TENM3: variants seen among roughly 807,000 people sequenced by gnomAD.
TENM3 encodes the protein teneurin transmembrane protein 3, also known as teneurin-3.
A neutral mutation model predicts 255.1 loss-of-function variants in TENM3; 63 were observed. That is an observed-to-expected ratio of 0.25 (90% CI 0.20 to 0.30). The LOEUF (loss-of-function observed/expected upper bound fraction) is 0.30, where lower values mean the gene tolerates loss of function less well. TENM3 is among the 10% of genes least tolerant of loss of function. The pLI, the probability that TENM3 is intolerant of heterozygous loss-of-function variation, is 1.00. For missense variants in TENM3, 2,929 were observed against 3,461.1 expected (o/e 0.85, Z 3.86); for synonymous variants, 1,306 against 1,322.3 (o/e 0.99, Z 0.27).
At chr4:181,524,907 T>C in the TENM3 span, among the ~76,000 whole-genome samples, 3 of 152,152 alleles carry the variant, frequency 2.0e-5, no homozygotes, top group Admixed American at 6.5e-5. Context: ...CTTAGAAGTT[T>C]TCATTGTGGT....
At chr4:182,571,040 A>T (rs1477954876) in intron 3 of TENM3, among the ~76,000 whole-genome samples, 2 of 152,166 alleles carry the variant, frequency 1.3e-5, no homozygotes, top group African/African-American at 4.8e-5. Context: ...TTTTAACTAA[A>T]TGCTAGATTA....
At chr4:181,724,374 T>C in the TENM3 span, among the ~76,000 whole-genome samples, 4 of 152,238 alleles carry the variant, frequency 2.6e-5, no homozygotes, top group Non-Finnish European at 5.9e-5. Flanking sequence ...GCTGGTATCA[T>C]ACCTCCTGGA....
intron 3 of TENM3, among the ~76,000 whole-genome samples, chr4:182,388,871 A>G (rs574214084): frequency 1.3e-5 from 2 of 152,344 alleles, no homozygotes; most frequent in South Asian, 4.1e-4. Flanking sequence ...TGGCTCTGCA[A>G]CAAGAGCAGA....
At chr4:181,979,100 A>T in the TENM3 span, among the ~76,000 whole-genome samples, 1 of 2,274 alleles carries the variant, frequency 4.4e-4, no homozygotes, top group Admixed American at 2.8e-3. Context: ...AGCCTGACAT[A>T]TATATATATA....
the TENM3 span, among the ~76,000 whole-genome samples, chr4:182,039,679 C>T: frequency 3.3e-5 from 5 of 151,710 alleles, no homozygotes; most frequent in East Asian, 2.0e-4. Flanking sequence ...CTGGGATAGA[C>T]GATTGTCACT....
At chr4:181,939,084 T>G in the TENM3 span, among the ~76,000 whole-genome samples, 1 of 152,266 alleles carries the variant, frequency 6.6e-6, no homozygotes, top group African/African-American at 2.4e-5. Flanking sequence ...ATGGCATGGA[T>G]TAAATGAAGA....
At chr4:181,460,627 G>A in the TENM3 span, among the ~76,000 whole-genome samples, 1 of 146,370 alleles carries the variant, frequency 6.8e-6, no homozygotes, top group Non-Finnish European at 1.5e-5. Flanking sequence ...AATTAAATAA[G>A]TATATTCAGT....
At chr4:182,532,625 A>G (rs965749380) in intron 3 of TENM3, among the ~76,000 whole-genome samples, 3 of 152,334 alleles carry the variant, frequency 2.0e-5, no homozygotes, top group African/African-American at 7.2e-5. Flanking sequence ...CTTTCTGGCC[A>G]TTAGGGTACC....
At chr4:181,464,097 A>G in the TENM3 span, among the ~76,000 whole-genome samples, 35 of 152,330 alleles carry the variant, frequency 2.3e-4, 1 homozygote, top group South Asian at 2.7e-3. Context: ...ACTGTGAATA[A>G]TGCTACTATG....
the TENM3 span, among the ~76,000 whole-genome samples, chr4:181,952,091 C>A: frequency 6.6e-6 from 1 of 152,080 alleles, no homozygotes; most frequent in African/African-American, 2.4e-5. Context: ...TAATGCCTGT[C>A]GTGAATAAAG....
At chr4:182,730,376 T>A (rs1454189953) in intron 15 of TENM3, 57 bp downstream of exon 15, 27 of 1,590,856 alleles carry the variant, frequency 1.7e-5, no homozygotes, top group African/African-American at 4.0e-5. Context: ...AACTAGACCT[T>A]CCTGTACCAC....
the TENM3 span, among the ~76,000 whole-genome samples, chr4:181,547,144 G>A: frequency 6.6e-6 from 1 of 151,990 alleles, no homozygotes; most frequent in Non-Finnish European, 1.5e-5. Flanking sequence ...AACAAAATGA[G>A]GAAGTAAAAT....
At chr4:182,767,306 A>C (rs572711581) in intron 22 of TENM3, among the ~76,000 whole-genome samples, 1 of 152,282 alleles carries the variant, frequency 6.6e-6, no homozygotes, top group East Asian at 1.9e-4. Flanking sequence ...GTTTGTGCAC[A>C]AGTCCCTCCT....
the TENM3 span, among the ~76,000 whole-genome samples, chr4:181,628,738 C>A: frequency 1.3e-5 from 2 of 152,102 alleles, no homozygotes; most frequent in Non-Finnish European, 2.9e-5. Flanking sequence ...TTCCTGTAGC[C>A]TTGTAGTATA....
chr4:181,671,340 C>A, the TENM3 span, among the ~76,000 whole-genome samples: 1 of 152,080 alleles, frequency 6.6e-6, no homozygotes, highest in African/African-American at 2.4e-5. Context: ...GAGTAAATAT[C>A]TGTACCAGCT....
chr4:182,205,197 C>T (rs1263114062), intron 1 of TENM3, among the ~76,000 whole-genome samples: 1 of 152,252 alleles, frequency 6.6e-6, no homozygotes, highest in East Asian at 1.9e-4. Context: ...AACTCTTCCA[C>T]CCCGTGTCTA....
chr4:181,806,361 T>G, the TENM3 span, among the ~76,000 whole-genome samples: 1 of 152,346 alleles, frequency 6.6e-6, no homozygotes, highest in Admixed American at 6.5e-5. Flanking sequence ...GCTACCTGTC[T>G]CTTGTACTTC....
At chr4:181,710,366 A>T in the TENM3 span, among the ~76,000 whole-genome samples, 1 of 152,166 alleles carries the variant, frequency 6.6e-6, no homozygotes, top group Non-Finnish European at 1.5e-5. Context: ...AATAAGATGC[A>T]GACTGGGAGG....
intron 5 of TENM3, among the ~76,000 whole-genome samples, chr4:182,633,204 T>C (rs1259387002): frequency 6.6e-6 from 1 of 152,190 alleles, no homozygotes; most frequent in Non-Finnish European, 1.5e-5. Context: ...AGTGCTGAGA[T>C]GACAGGAATG....
Sources: gnomAD v4.1 joint callset for allele counts (sites outside exome capture counted in the v4.1 genomes callset) on GRCh38, gnomAD v4.1.1 for gene constraint, MANE v1.5 for transcripts, NCBI Gene and HGNC (gene_info 2026-07-23, HGNC 2026-07-21) for gene names.